Variants in SKAP2 observed in about 807,000 individuals in gnomAD.
SKAP2 encodes src kinase associated phosphoprotein 2, also known as src kinase-associated phosphoprotein 2.
In SKAP2, 28 loss-of-function variants were observed where a neutral mutation model predicts 54.9. The observed-to-expected ratio is 0.51, with a 90% CI of 0.38 to 0.70. The LOEUF (loss-of-function observed/expected upper bound fraction) is 0.70. Among genes scored for constraint, SKAP2 ranks in the 30% least tolerant of loss-of-function variants. The probability of loss-of-function intolerance (pLI) is 0.00; values close to 1 mark genes in which losing one functional copy is unlikely to be tolerated. For missense variants in SKAP2, 356 were observed against 424.1 expected, an observed-to-expected ratio of 0.84 and a Z score of 1.41; for synonymous variants, 137 against 134.3, an observed-to-expected ratio of 1.02 and a Z score of -0.14.
At chr7:26,801,021 C>T (rs62448180) in intron 4 of SKAP2, among the ~76,000 whole-genome samples, 3,116 of 151,460 alleles carry the variant, frequency 0.021, 61 homozygotes, top group South Asian at 0.055. Flanking sequence ...GATACCAAAA[C>T]GAGAAAAAGA....
chr7:26,774,661 T>C (rs1333576464), intron 4 of SKAP2, among the ~76,000 whole-genome samples: 2 of 152,152 alleles, frequency 1.3e-5, no homozygotes, highest in African/African-American at 2.4e-5. Flanking sequence ...TGCCACCACT[T>C]CTTTTGCCAA....
chr7:26,766,295 T>A (rs1783052777), intron 4 of SKAP2, among the ~76,000 whole-genome samples: 3 of 152,200 alleles, frequency 2.0e-5, no homozygotes, highest in African/African-American at 7.2e-5. Flanking sequence ...TGTATAGGAA[T>A]GCTTGTGATT....
intron 9 of SKAP2, among the ~76,000 whole-genome samples, chr7:26,692,530 G>C (rs1010189771): frequency 8.5e-5 from 13 of 152,204 alleles, no homozygotes; most frequent in African/African-American, 3.1e-4. Context: ...CTGAATTTCT[G>C]TAACTCAATT....
chr7:26,824,087 C>G (rs1390820061), intron 4 of SKAP2, among the ~76,000 whole-genome samples: 2 of 111,084 alleles, frequency 1.8e-5, no homozygotes, highest in East Asian at 7.4e-4. Flanking sequence ...GGAAATCTTT[C>G]ATGGAAAGAA....
intron 9 of SKAP2, among the ~76,000 whole-genome samples, chr7:26,710,119 A>G (rs1449796778): frequency 6.6e-6 from 1 of 152,126 alleles, no homozygotes; most frequent in Non-Finnish European, 1.5e-5. Context: ...GACCCCTTTA[A>G]CTAAAGACTT....
At chr7:26,819,448 A>G (rs562234120) in intron 4 of SKAP2, among the ~76,000 whole-genome samples, 21 of 152,228 alleles carry the variant, frequency 1.4e-4, no homozygotes, top group Admixed American at 2.6e-4. Flanking sequence ...GATAGATAAC[A>G]TTAGGAGAAA....
chr7:26,851,289 T>C (rs930637213), intron 3 of SKAP2, among the ~76,000 whole-genome samples: 2 of 147,890 alleles, frequency 1.4e-5, no homozygotes, highest in African/African-American at 2.5e-5. Context: ...TAGCTGGGCA[T>C]GGAGGCAAGC....
At chr7:26,716,449 G>C (rs1237463286) in intron 9 of SKAP2, among the ~76,000 whole-genome samples, 1 of 152,042 alleles carries the variant, frequency 6.6e-6, no homozygotes, top group Non-Finnish European at 1.5e-5. Flanking sequence ...AGAAATGCAT[G>C]GTGTATTTAT....
chr7:26,827,214 A>C (rs1352076291), intron 4 of SKAP2, among the ~76,000 whole-genome samples: 1 of 152,210 alleles, frequency 6.6e-6, no homozygotes, highest in Non-Finnish European at 1.5e-5. Context: ...GCATTTATAC[A>C]AAACAACACA....
intron 4 of SKAP2, among the ~76,000 whole-genome samples, chr7:26,804,488 C>T (rs1303249873): frequency 6.6e-6 from 1 of 152,022 alleles, no homozygotes; most frequent in Non-Finnish European, 1.5e-5. Flanking sequence ...GGCCCGTAAT[C>T]CCAGCACTTT....
the SKAP2 span, among the ~76,000 whole-genome samples, chr7:26,656,557 T>TG: frequency 2.0e-5 from 3 of 152,238 alleles, no homozygotes; most frequent in Admixed American, 6.5e-5. Context: ...GTTATACAGA[T>TG]GTGCAGATCA....
chr7:26,657,134 A>G, the SKAP2 span, among the ~76,000 whole-genome samples: 2 of 152,240 alleles, frequency 1.3e-5, no homozygotes, highest in African/African-American at 4.8e-5. Flanking sequence ...GTAAAAGAAC[A>G]TTCTAAATCT....
intron 4 of SKAP2, among the ~76,000 whole-genome samples, chr7:26,820,861 T>C (rs1468074166): frequency 6.6e-6 from 1 of 152,226 alleles, no homozygotes; most frequent in African/African-American, 2.4e-5. Flanking sequence ...TTCCATCCCT[T>C]GGTCATCTTG....
At chr7:26,797,506 G>A (rs571842984) in intron 4 of SKAP2, among the ~76,000 whole-genome samples, 47 of 152,306 alleles carry the variant, frequency 3.1e-4, no homozygotes, top group African/African-American at 1.1e-3. Flanking sequence ...CCCTAAAGCA[G>A]ATACAGCTTA....
downstream of SKAP2, among the ~76,000 whole-genome samples, chr7:26,665,259 T>C (rs996718972): frequency 3.9e-5 from 6 of 152,196 alleles, no homozygotes; most frequent in African/African-American, 1.2e-4. Context: ...AGGAGGCACC[T>C]GTGCCTCTTA....
At chr7:26,819,954 T>A (rs539902611) in intron 4 of SKAP2, among the ~76,000 whole-genome samples, 1 of 152,338 alleles carries the variant, frequency 6.6e-6, no homozygotes, top group Non-Finnish European at 1.5e-5. Flanking sequence ...AGTTTTCTTA[T>A]AATATTCTAT....
intron 9 of SKAP2, among the ~76,000 whole-genome samples, chr7:26,720,051 A>AACACACACACACACAC (rs57945020): frequency 1.4e-5 from 2 of 141,718 alleles, no homozygotes; most frequent in Non-Finnish European, 1.5e-5. Context: ...ACATATCTGT[A>AACACACACACACACAC]ACACACACAC....
At chr7:26,738,908 A>C (rs1380210570) in intron 5 of SKAP2, 30 bp from the exon 6 acceptor site, 3 of 1,269,136 alleles carry the variant, frequency 2.4e-6, no homozygotes, top group Non-Finnish European at 2.3e-6. Flanking sequence ...ATGTAAGGCC[A>C]TTTCCTTACT....
chr7:26,696,355 A>T (rs187744105), intron 9 of SKAP2, among the ~76,000 whole-genome samples: 1 of 152,172 alleles, frequency 6.6e-6, no homozygotes. Flanking sequence ...AATTTGGCAA[A>T]GTGGGGCCTA....
Sources: gnomAD v4.1 joint callset for allele counts (sites outside exome capture counted in the v4.1 genomes callset) on GRCh38, gnomAD v4.1.1 for gene constraint, MANE v1.5 for transcripts, NCBI Gene and HGNC (gene_info 2026-07-23, HGNC 2026-07-21) for gene names.